Variants in ARL6 observed in about 807,000 individuals in gnomAD.
The protein encoded by ARL6 is ADP-ribosylation factor-like protein 6.
ARL6 carries 18 observed loss-of-function variants against 27.1 expected under a neutral mutation model. That is an observed-to-expected ratio of 0.66 (90% CI 0.46 to 0.98). The LOEUF (loss-of-function observed/expected upper bound fraction) is 0.98. ARL6 is among the 50% of genes least tolerant of loss of function. The pLI, the probability that ARL6 is intolerant of heterozygous loss-of-function variation, is 0.00. For synonymous variants in ARL6, 65 were observed against 72.3 expected (o/e 0.90, Z 0.51); for missense variants, 187 against 214.9 (o/e 0.87, Z 0.81).
In ARL6 at chr3:97,798,956, T is replaced by A. The variant is rs2038129191; in HGVS notation, c.*907T>A. 6.6e-6 allele frequency: 1 copy of A among 152,094 alleles called. No individual in the cohort carries two copies. Among genetic ancestry groups the A allele is most frequent in the South Asian group, 2.1e-4 (1 of 4,830 alleles). The allele number at this position is 152,094 out of a possible 1,614,324, so 9.4% of individuals were successfully genotyped here. On this transcript the variant is annotated 3_prime_UTR_variant, in exon 8 of 8. Transcript: ENST00000463745. The stretch of plus-strand genomic sequence containing the variant: ...GCACTTTGTTAAAATAAATTGTGAC[T>A]TTTAACTTTTTCATGAACATAACTG...
chr3:97,777,384 A>G (rs945249355), intron 2 of ARL6, among the ~76,000 whole-genome samples: 1 of 151,974 alleles, frequency 6.6e-6, no homozygotes, highest in African/African-American at 2.4e-5. Context: ...CCTCCTACCT[A>G]TATAAAATGG....
chr3:97,797,758 G>A (rs1036055866), intron 7 of ARL6, among the ~76,000 whole-genome samples: 5 of 152,110 alleles, frequency 3.3e-5, no homozygotes, highest in African/African-American at 4.8e-5. Context: ...GATGAATTGT[G>A]CTTTTAAAAA....
At chr3:97,790,381 G>C (rs1189753092) in intron 6 of ARL6, among the ~76,000 whole-genome samples, 1 of 152,166 alleles carries the variant, frequency 6.6e-6, no homozygotes, top group East Asian at 1.9e-4. Context: ...AGATTGGTTA[G>C]AGCAGAGAAA....
intron 7 of ARL6, among the ~76,000 whole-genome samples, chr3:97,794,320 G>T (rs1456285241): frequency 1.3e-5 from 2 of 151,418 alleles, no homozygotes; most frequent in Admixed American, 6.6e-5. Context: ...TCAAGTAATT[G>T]TCCTGCCTCA....
chr3:97,795,192 A>G (rs2037941850), intron 7 of ARL6, among the ~76,000 whole-genome samples: 1 of 152,258 alleles, frequency 6.6e-6, no homozygotes, highest in Non-Finnish European at 1.5e-5. Context: ...TGTATGTAGA[A>G]TAACCCAAAG....
chr3:97,768,221 A>C lies in ARL6; in HGVS notation c.114A>C (p.Lys38Asn). 6.2e-7 allele frequency: 1 copy of C among 1,612,446 alleles called. No homozygotes were observed. Among genetic ancestry groups the C allele is most frequent in the South Asian group, 1.1e-5 (1 of 91,018 alleles). ...AAACGACGATCATTAACAAACTTAA[A>C]CCTTCAAATGTAAGTATCTTTGTTA... ...SGKTTIINKL[K>N]PSNAQSQNIL... The change falls in exon 2 of 8, where the codon AAA becomes AAC. Residue 38 changes from lysine to asparagine, a missense_variant. Physicochemically the swap from Lys to Asn is moderately conservative, Grantham distance 94. Transcript: ENST00000463745.
intron 6 of ARL6, among the ~76,000 whole-genome samples, chr3:97,790,637 A>C (rs2037687718): frequency 6.6e-6 from 1 of 152,070 alleles, no homozygotes; most frequent in Admixed American, 6.6e-5. Context: ...TTCTTGATTT[A>C]AGTGTTTCGG....
At chr3:97,778,682 G>T (rs1220908404) in intron 2 of ARL6, among the ~76,000 whole-genome samples, 1 of 152,120 alleles carries the variant, frequency 6.6e-6, no homozygotes, top group Non-Finnish European at 1.5e-5. Context: ...TTACTGTGTT[G>T]AGTATTTTAC....
chr3:97,773,204 A>G (rs563054012), intron 2 of ARL6, among the ~76,000 whole-genome samples: 5 of 152,310 alleles, frequency 3.3e-5, no homozygotes, highest in East Asian at 1.9e-4. Context: ...TCCGATGTTC[A>G]AGGACAGGAA....
Position 97,788,061 on chromosome 3 carries a change from G to A in ARL6, c.421G>A (p.Val141Ile). Reference protein sequence around the residue: ...KMDLRDAVTSVKVSQLLCLEN... With the variant: ...KMDLRDAVTSIKVSQLLCLEN... ...GGATCTTAGAGATGCAGTGACATCT[G>A]TAAAAGTGTCTCAGTTGCTGTGTTT... The change falls in exon 6 of 8, where the codon GTA (valine) becomes ATA (isoleucine). Residue 141 changes from valine (V) to isoleucine (I), a missense_variant. Coordinates refer to ENST00000463745, the MANE Select transcript of ARL6 (RefSeq NM_001278293.3). The A allele has an allele frequency of 6.2e-7, 1 of 1,612,668 alleles. No individual in the cohort carries two copies. The highest frequency in any genetic ancestry group is 8.5e-7 in the Non-Finnish European group (1 of 1,178,950).
chr3:97,776,592 G>A (rs1262894709), intron 2 of ARL6, among the ~76,000 whole-genome samples: 1 of 152,056 alleles, frequency 6.6e-6, no homozygotes, highest in African/African-American at 2.4e-5. Flanking sequence ...GGGAGATAGT[G>A]AAGCCTAATT....
intron 4 of ARL6, 31 bp downstream of exon 4, chr3:97,780,714 G>A (rs1374529343): frequency 6.5e-7 from 1 of 1,527,812 alleles, no homozygotes; most frequent in Admixed American, 1.7e-5. Context: ...TGCTTAACTA[G>A]ATGGTTTTTA....
Position 97,780,620 on chromosome 3 carries a change from CAT to C in ARL6, c.192_193del (p.Phe65TyrfsTer4). 1.2e-6 allele frequency: 2 copies of C among 1,612,478 alleles called. No homozygotes were observed. Among genetic ancestry groups the C allele is most frequent in the Non-Finnish European group, 1.7e-6 (2 of 1,178,894 alleles). On this transcript the variant is annotated frameshift_variant, in exon 4 of 8. Transcript: ENST00000463745. LOFTEE classifies it high-confidence loss of function. ...TGTTTTGCTTCTTTTTGTAGTTTGT[CAT>C]TTACAGTGTTTGACATGTCAGGTCA...
chr3:97,777,811 A>G (rs9834788), intron 2 of ARL6, among the ~76,000 whole-genome samples: 73,387 of 152,086 alleles, frequency 0.48, 18,320 homozygotes, highest in East Asian at 0.69. Flanking sequence ...GTTCTACCCT[A>G]ATTAATTTGT....
intron 1 of ARL6, among the ~76,000 whole-genome samples, chr3:97,767,442 T>C (rs747301493): frequency 6.6e-6 from 1 of 152,096 alleles, no homozygotes; most frequent in Non-Finnish European, 1.5e-5. Context: ...GATGTATGTA[T>C]AGGATAAGGG....
chr3:97,778,463 G>A (rs902571977), intron 2 of ARL6, among the ~76,000 whole-genome samples: 1 of 152,060 alleles, frequency 6.6e-6, no homozygotes, highest in African/African-American at 2.4e-5. Flanking sequence ...GTCTTTCCTT[G>A]AATTTAAATT....
intron 5 of ARL6, among the ~76,000 whole-genome samples, chr3:97,786,214 G>A (rs1425337505): frequency 4.0e-5 from 6 of 151,876 alleles, no homozygotes; most frequent in East Asian, 1.9e-4. Context: ...AGCCAGGCAC[G>A]TGCACTTGTA....
chr3:97,788,105 A>G lies in ARL6; in HGVS notation c.465A>G (p.Lys155=). ...QLLCLENIKD[K]PWHICASDAI... ...TGTGTTTAGAGAACATCAAAGATAA[A>G]CCCTGGCATATTTGGTAAAGTTTTA... is the stretch of plus-strand genomic sequence containing the variant. Residue 155 remains lysine, a synonymous_variant, in exon 6 of 8, where the codon AAA becomes AAG. Transcript: ENST00000463745. 6.2e-7 allele frequency: 1 copy of G among 1,613,072 alleles called. No individual in the cohort carries two copies. The highest frequency in any genetic ancestry group is 2.2e-5 in the East Asian group (1 of 44,792).
Position 97,784,943 on chromosome 3 carries a change from T to C in ARL6, c.255-12T>C, listed in dbSNP as rs2037376765. The C allele has an allele frequency of 7.5e-6, 12 of 1,596,298 alleles. No individual in the cohort carries two copies. The highest frequency in any genetic ancestry group is 6.7e-5 in the East Asian group (3 of 44,628). On this transcript the variant is annotated splice_polypyrimidine_tract_variant and intron_variant, in intron 4 of 7. Transcript: ENST00000463745. The stretch of plus-strand genomic sequence containing the variant: ...TAAAGCTTTAATTTTTCTTTTTCTT[T>C]ACATTACACAGAGAAGGCCAAGCTA...
Sources: gnomAD v4.1 joint callset for allele counts (sites outside exome capture counted in the v4.1 genomes callset) on GRCh38, gnomAD v4.1.1 for gene constraint, MANE v1.5 for transcripts, NCBI Gene and HGNC (gene_info 2026-07-23, HGNC 2026-07-21) for gene names.